TXNRD2: variants seen among roughly 807,000 people sequenced by gnomAD.
TXNRD2 encodes thioredoxin reductase 2.
Under a neutral mutation model 70.8 loss-of-function variants are expected in TXNRD2, and 67 were observed. That is an observed-to-expected ratio of 0.95 (90% CI 0.78 to 1.16). The LOEUF is 1.16. TXNRD2 is among the 50% of genes most tolerant of loss of function. The pLI, the probability that TXNRD2 is intolerant of heterozygous loss-of-function variation, is 0.00. For missense variants in TXNRD2, 644 were observed against 719.9 expected (o/e 0.89, Z 1.21); for synonymous variants, 301 against 295.8 (o/e 1.02, Z -0.18).
At chr22:19,928,704 C>T (rs898589606) in intron 2 of TXNRD2, among the ~76,000 whole-genome samples, 4 of 152,100 alleles carry the variant, frequency 2.6e-5, no homozygotes, top group African/African-American at 9.7e-5. Context: ...GAGATAGGGT[C>T]TTCAAAAAGG....
chr22:19,934,854 G>A (rs565698945), intron 1 of TXNRD2, among the ~76,000 whole-genome samples: 130 of 152,184 alleles, frequency 8.5e-4, no homozygotes, highest in Non-Finnish European at 1.6e-3. Context: ...GAGCCACCGC[G>A]CCTGGGCCCC....
At chr22:19,921,544 G>A (rs766290428) in intron 2 of TXNRD2, among the ~76,000 whole-genome samples, 15 of 152,030 alleles carry the variant, frequency 9.9e-5, no homozygotes, top group Admixed American at 1.3e-4. Flanking sequence ...ATGAAACAAC[G>A]GGCTTTCAGG....
At chr22:19,877,017 CAG>C in intron 17 of TXNRD2, 21 bp downstream of exon 17, 1 of 1,483,160 alleles carries the variant, frequency 6.7e-7, no homozygotes. Context: ...TGTCCTCAAA[CAG>C]AGCCAGCCCC....
Position 19,915,817 on chromosome 22 carries a change from G to C in TXNRD2, c.476C>G (p.Ala159Gly). Reference protein sequence around the residue: ...DRKVKYFNIKASFVDEHTVCG... With the variant: ...DRKVKYFNIKGSFVDEHTVCG... ...AACCGTGTGCTCGTCAACAAAGCTG[G>C]CTTTGATGTTAAAGTACTTGACTTT... The change falls in exon 6 of 18, where the codon GCC becomes GGC. Residue 159 changes from alanine (A) to glycine (G), a missense_variant. Ala to Gly is a moderately conservative substitution (Grantham distance 60, BLOSUM62 0). Coordinates refer to ENST00000400521, the MANE Select transcript of TXNRD2 (RefSeq NM_006440.5). The C allele has an allele frequency of 1.9e-6, 3 of 1,614,128 alleles. No individual in the cohort carries two copies. The highest frequency in any genetic ancestry group is 2.5e-6 in the Non-Finnish European group (3 of 1,180,028).
chr22:19,919,098 C>T, intron 3 of TXNRD2, 94 bp from the exon 4 acceptor site: 1 of 1,314,178 alleles, frequency 7.6e-7, no homozygotes, highest in Non-Finnish European at 1.1e-6. Flanking sequence ...CTTAAAGTTG[C>T]TTTGTAACTC....
Position 19,885,648 on chromosome 22 carries a change from C to T in TXNRD2, c.950-2187G>A, listed in dbSNP as rs542905563. On this transcript the variant is annotated intron_variant, in intron 11 of 17. Coordinates refer to ENST00000400521, the MANE Select transcript of TXNRD2 (RefSeq NM_006440.5). ...TGCAGGCCGGGGGCTCACGCTCAGC[C>T]GTCTGGTCCCTCTCCAACCTGGTGT... is the stretch of plus-strand genomic sequence containing the variant. Among the ~76,000 whole-genome samples the T allele has an allele frequency of 3.9e-5, 6 of 152,298 alleles. No individual in the cohort carries two copies. In the South Asian group the frequency reaches 6.2e-4, roughly 16 times the overall value.
At chr22:19,877,509 C>G (rs973005272) in intron 16 of TXNRD2, among the ~76,000 whole-genome samples, 3 of 152,154 alleles carry the variant, frequency 2.0e-5, no homozygotes, top group African/African-American at 7.2e-5. Context: ...CTGCTAGGCA[C>G]AGTCCTGCCT....
chr22:19,907,585 G>C, intron 8 of TXNRD2, among the ~76,000 whole-genome samples: 1 of 46,786 alleles, frequency 2.1e-5, no homozygotes, highest in African/African-American at 1.0e-4. Flanking sequence ...GTGGGTAGCA[G>C]TGACCGCTCT....
chr22:19,928,532 A>G (rs1263376422), intron 2 of TXNRD2, among the ~76,000 whole-genome samples: 1 of 152,228 alleles, frequency 6.6e-6, no homozygotes, highest in Non-Finnish European at 1.5e-5. Flanking sequence ...CTATAGTGAC[A>G]GACAGCACAT....
intron 8 of TXNRD2, among the ~76,000 whole-genome samples, chr22:19,907,458 G>A (rs1440983807): frequency 1.2e-4 from 4 of 33,768 alleles, no homozygotes; most frequent in East Asian, 7.4e-4. Flanking sequence ...TGGGCGCTGT[G>A]AGTAGCAGTG....
chr22:19,883,476 G>A lies in TXNRD2; in HGVS notation c.950-15C>T. ...TGGGACTCGACCTGAAGGAAACAGA[G>A]AGGGGGCTGAAAGGTTATCTTCAGT... On this transcript the variant is annotated splice_polypyrimidine_tract_variant and intron_variant, in intron 11 of 17. Transcript: ENST00000400521. 1 of 1,613,990 alleles carries A rather than the reference G, an allele frequency of 6.2e-7. No individual in the cohort carries two copies.
In TXNRD2 at chr22:19,883,368, G is replaced by T; in HGVS notation, c.1043C>A (p.Ala348Asp). The change falls in exon 12 of 18, where the codon GCC (alanine) becomes GAC (aspartate). Residue 348 changes from alanine to aspartate, a missense_variant. By Grantham distance (126) the Ala-to-Asp change is moderately radical (BLOSUM62 -2). Around this residue, in one of 3 missense-constraint regions of TXNRD2, gnomAD observed 566 missense variants for 645.0 expected, o/e 0.88. Coordinates refer to ENST00000400521, the MANE Select transcript of TXNRD2 (RefSeq NM_006440.5). ...TQKILVDSRE[A>D]TSVPHIYAIG... ...GGCGTAGATGTGGGGCACAGAGGTG[G>T]CTTCCCGGGAGTCCACCAGGATCTT... 3 of 1,614,060 alleles carry T rather than the reference G, an allele frequency of 1.9e-6. No individual in the cohort carries two copies. Among genetic ancestry groups the T allele is most frequent in the Non-Finnish European group, 2.5e-6 (3 of 1,180,032 alleles).
chr22:19,904,228 A>G (rs1939905063), intron 8 of TXNRD2, among the ~76,000 whole-genome samples: 1 of 151,604 alleles, frequency 6.6e-6, no homozygotes, highest in African/African-American at 2.4e-5. Flanking sequence ...CTGCTTTTTC[A>G]GGAGTTTTCT....
Position 19,883,449 on chromosome 22 carries a change from T to C in TXNRD2, c.962A>G (p.Asp321Gly), listed in dbSNP as rs1208600363. The C allele has an allele frequency of 6.2e-7, 1 of 1,614,084 alleles. No individual in the cohort carries two copies. The highest frequency in any genetic ancestry group is 2.2e-5 in the East Asian group (1 of 44,892). The stretch of plus-strand genomic sequence containing the variant: ...CTTCTCCAAATTCAGACTTCTGGTG[T>C]CTGGGACTCGACCTGAAGGAAACAG... ...TVLWAIGRVP[D>G]TRSLNLEKAG... is the part of the protein sequence containing the mutation. The change falls in exon 12 of 18, where the codon GAC becomes GGC. Residue 321 changes from aspartate to glycine, a missense_variant. Physicochemically the swap from Asp to Gly is moderately conservative, Grantham distance 94. Coordinates refer to ENST00000400521, the MANE Select transcript of TXNRD2 (RefSeq NM_006440.5).
intron 7 of TXNRD2, among the ~76,000 whole-genome samples, chr22:19,913,949 A>C (rs927442845): frequency 1.3e-5 from 2 of 152,262 alleles, no homozygotes; most frequent in African/African-American, 2.4e-5. Flanking sequence ...CATACATCAA[A>C]GAATAAGAGT....
chr22:19,941,604 C>A, intron 1 of TXNRD2, 97 bp downstream of exon 1: 1 of 1,349,768 alleles, frequency 7.4e-7, no homozygotes, highest in Non-Finnish European at 9.4e-7. Flanking sequence ...GTGGGCACCC[C>A]CACGGGGACA....
Position 19,895,583 on chromosome 22 carries a change from T to C in TXNRD2, c.775-2A>G, listed in dbSNP as rs1254814245. 1.2e-6 allele frequency: 2 copies of C among 1,610,288 alleles called. No individual in the cohort carries two copies. Among genetic ancestry groups the C allele is most frequent in the East Asian group, 4.5e-5 (2 of 44,868 alleles). On this transcript the variant is annotated splice_acceptor_variant, in intron 10 of 17. Coordinates refer to ENST00000400521, the MANE Select transcript of TXNRD2 (RefSeq NM_006440.5). LOFTEE classifies it high-confidence loss of function. ...CTCTATGACCATGGAGGACATTTGCTGCAAAGCACAAGAAGACAGGCCATG... is the reference window on the plus strand; with the variant it reads ...CTCTATGACCATGGAGGACATTTGCCGCAAAGCACAAGAAGACAGGCCATG...
At position 19,878,144 on chromosome 22, in the gene TXNRD2, T is replaced by C; in HGVS notation, c.1391A>G (p.His464Arg). 2 of 1,613,404 alleles carry C rather than the reference T, an allele frequency of 1.2e-6. No homozygotes were observed. Among genetic ancestry groups the C allele is most frequent in the Non-Finnish European group, 1.7e-6 (2 of 1,180,018 alleles). ...REPPQLVLGL[H>R]FLGPNAGEVT... is the part of the protein sequence containing the mutation. ...TTCGCCTGCGTTGGGGCCAAGGAAA[T>C]GCAGGCCCAGCACCAGCTGTGGGGG... The change falls in exon 16 of 18, where the codon CAT becomes CGT. Residue 464 changes from histidine (H) to arginine (R), a missense_variant. His to Arg is a conservative substitution (Grantham distance 29). Around this residue, in one of 3 missense-constraint regions of TXNRD2, gnomAD observed 566 missense variants for 645.0 expected, o/e 0.88. Coordinates refer to ENST00000400521, the MANE Select transcript of TXNRD2 (RefSeq NM_006440.5).
At chr22:19,896,817 C>T (rs1019642811) in intron 10 of TXNRD2, among the ~76,000 whole-genome samples, 20 of 152,134 alleles carry the variant, frequency 1.3e-4, no homozygotes, top group African/African-American at 4.6e-4. Context: ...TCTGGCCCGC[C>T]GGGCAGGGCT....
Sources: gnomAD v4.1 joint callset for allele counts (sites outside exome capture counted in the v4.1 genomes callset) on GRCh38, gnomAD v4.1.1 for gene constraint, gnomAD v4.1.1 regional missense constraint, MANE v1.5 for transcripts, NCBI Gene and HGNC (gene_info 2026-07-23, HGNC 2026-07-21) for gene names.